The following CGAS variants were observed in gnomAD, a reference collection of about 807,000 sequenced individuals.
The protein encoded by CGAS is cyclic GMP-AMP synthase, also known as 2'3'-cGAMP synthase.
CGAS carries 31 observed loss-of-function variants against 34.0 expected under a neutral mutation model. That is an observed-to-expected ratio of 0.91 (90% CI 0.69 to 1.23). CGAS has a LOEUF of 1.23. CGAS is among the 50% of genes most tolerant of loss of function. The probability of loss-of-function intolerance (pLI) is 0.00; values close to 1 mark genes in which losing one functional copy is unlikely to be tolerated. For synonymous variants in CGAS, 266 were observed against 260.0 expected, an observed-to-expected ratio of 1.02 and a Z score of -0.22; for missense variants, 597 against 657.6, an observed-to-expected ratio of 0.91 and a Z score of 1.01.
intron 2 of CGAS, among the ~76,000 whole-genome samples, chr6:73,444,393 C>T (rs1770433373): frequency 6.6e-6 from 1 of 152,066 alleles, no homozygotes; most frequent in Admixed American, 6.6e-5. Flanking sequence ...ACTGCAACCT[C>T]TGCCTCCCAG....
Position 73,452,122 on chromosome 6 carries a change from G to A in CGAS, c.60C>T (p.Pro20=). The A allele has an allele frequency of 6.2e-7, 1 of 1,605,134 alleles. No individual in the cohort carries two copies. The highest frequency in any genetic ancestry group is 8.5e-7 in the Non-Finnish European group (1 of 1,176,696). ...QRASEAGATA[P]KASARNARGA... ...CCCTGGCATTCCGTGCGGAAGCCTTGGGGGCAGTGGCTCCGGCCTCGGAAG... is the reference window on the plus strand; with the variant it reads ...CCCTGGCATTCCGTGCGGAAGCCTTAGGGGCAGTGGCTCCGGCCTCGGAAG... The change falls in exon 1 of 5, where the codon CCC becomes CCT. Residue 20 remains proline (P), a synonymous_variant. Transcript: ENST00000370315.
At chr6:73,428,960 G>A in intron 3 of CGAS, 149 bp from the exon 4 acceptor site, 1 of 665,792 alleles carries the variant, frequency 1.5e-6, no homozygotes, top group Non-Finnish European at 2.5e-6. Flanking sequence ...GCCGAGGAGG[G>A]TGGGTCACCT....
At chr6:73,447,229 T>C (rs1308333749) in intron 1 of CGAS, among the ~76,000 whole-genome samples, 1 of 152,204 alleles carries the variant, frequency 6.6e-6, no homozygotes, top group African/African-American at 2.4e-5. Context: ...TTTGAATATC[T>C]TTAGTGATAT....
At chr6:73,451,279 G>A (rs1201305956) in intron 1 of CGAS, among the ~76,000 whole-genome samples, 2 of 152,158 alleles carry the variant, frequency 1.3e-5, no homozygotes, top group East Asian at 3.9e-4. Flanking sequence ...CCATACATTT[G>A]AATTCCCCCG....
chr6:73,444,279 C>T (rs1392510731), intron 2 of CGAS, among the ~76,000 whole-genome samples: 2 of 151,482 alleles, frequency 1.3e-5, no homozygotes, highest in Non-Finnish European at 2.9e-5. Flanking sequence ...TGAGCCACTG[C>T]GCCTGGCCAG....
At chr6:73,426,602 T>C (rs1770093686) in intron 4 of CGAS, among the ~76,000 whole-genome samples, 1 of 151,240 alleles carries the variant, frequency 6.6e-6, no homozygotes, top group Non-Finnish European at 1.5e-5. Context: ...CACTGCAACC[T>C]CTGACCCTCC....
intron 3 of CGAS, among the ~76,000 whole-genome samples, chr6:73,434,733 AC>A (rs1770252490): frequency 6.6e-6 from 1 of 151,970 alleles, no homozygotes; most frequent in Admixed American, 6.6e-5. Flanking sequence ...CTGCAACTCC[AC>A]CCACCAAGTT....
At chr6:73,438,188 A>G (rs1243457808) in intron 3 of CGAS, among the ~76,000 whole-genome samples, 1 of 152,254 alleles carries the variant, frequency 6.6e-6, no homozygotes, top group Non-Finnish European at 1.5e-5. Context: ...AGCAGGTGTT[A>G]TAAGTGTCTC....
intron 3 of CGAS, among the ~76,000 whole-genome samples, chr6:73,429,551 G>A (rs940876989): frequency 6.6e-6 from 1 of 152,018 alleles, no homozygotes; most frequent in African/African-American, 2.4e-5. Context: ...TTTCACCTGG[G>A]CGCGGTGGCT....
chr6:73,440,509 G>T, intron 2 of CGAS, 64 bp from the exon 3 acceptor site: 1 of 1,298,848 alleles, frequency 7.7e-7, no homozygotes. Context: ...AAATACAGGG[G>T]AAATAATGTA....
At chr6:73,429,133 T>C (rs1291962964) in intron 3 of CGAS, among the ~76,000 whole-genome samples, 2 of 149,410 alleles carry the variant, frequency 1.3e-5, no homozygotes, top group African/African-American at 5.0e-5. Context: ...GAGGTTGCAG[T>C]GAGCCGAGAT....
chr6:73,447,081 A>G (rs1405116927), intron 1 of CGAS, among the ~76,000 whole-genome samples: 3 of 152,206 alleles, frequency 2.0e-5, no homozygotes, highest in African/African-American at 7.2e-5. Flanking sequence ...ACATATTTTA[A>G]TCAGTTTGTC....
intron 4 of CGAS, among the ~76,000 whole-genome samples, 164 bp downstream of exon 4, chr6:73,428,545 A>G (rs1216442214): frequency 6.6e-6 from 1 of 151,944 alleles, no homozygotes. Flanking sequence ...GGCCCTTTGG[A>G]TCTAGCTTCT....
intron 1 of CGAS, among the ~76,000 whole-genome samples, chr6:73,446,329 C>A (rs1770468780): frequency 8.7e-6 from 1 of 114,510 alleles, no homozygotes; most frequent in African/African-American, 3.4e-5. Context: ...GACTCCATCT[C>A]AAAAAAAAAA....
At chr6:73,442,165 G>A (rs1770390150) in intron 2 of CGAS, among the ~76,000 whole-genome samples, 2 of 152,062 alleles carry the variant, frequency 1.3e-5, no homozygotes, top group Non-Finnish European at 2.9e-5. Flanking sequence ...GAGCCACTGT[G>A]CCTGGCCCTC....
intron 3 of CGAS, among the ~76,000 whole-genome samples, chr6:73,438,488 G>C (rs1253245209): frequency 6.6e-6 from 1 of 152,120 alleles, no homozygotes; most frequent in Non-Finnish European, 1.5e-5. Context: ...ACGAGGTCAA[G>C]AGATGGAGAC....
At chr6:73,449,750 C>T (rs1770529655) in intron 1 of CGAS, among the ~76,000 whole-genome samples, 1 of 151,972 alleles carries the variant, frequency 6.6e-6, no homozygotes. Context: ...AATCCCAGCA[C>T]TTAGGGAGGC....
chr6:73,425,782 C>G (rs143966438), intron 4 of CGAS, among the ~76,000 whole-genome samples: 2,048 of 151,292 alleles, frequency 0.014, 169 homozygotes, highest in Admixed American at 0.12. Context: ...TGAGTCCAGC[C>G]TGACTAATAT....
intron 3 of CGAS, among the ~76,000 whole-genome samples, chr6:73,433,639 C>A (rs1162631161): frequency 2.0e-5 from 3 of 152,024 alleles, no homozygotes; most frequent in Admixed American, 2.0e-4. Flanking sequence ...CAGGCACGTG[C>A]CACCATGCCC....
Sources: gnomAD v4.1 joint callset for allele counts (sites outside exome capture counted in the v4.1 genomes callset) on GRCh38, gnomAD v4.1.1 for gene constraint, MANE v1.5 for transcripts, NCBI Gene and HGNC (gene_info 2026-07-23, HGNC 2026-07-21) for gene names.